Variants in SRGAP3 observed in about 807,000 individuals in gnomAD.
The protein encoded by SRGAP3 is SLIT-ROBO Rho GTPase-activating protein 3.
SRGAP3 carries 39 observed loss-of-function variants against 121.1 expected under a neutral mutation model. The ratio of observed to expected loss-of-function variants is 0.32; its 90% CI spans 0.25 to 0.42. The LOEUF (loss-of-function observed/expected upper bound fraction) is 0.42. SRGAP3 is among the 10% of genes least tolerant of loss of function. The probability of loss-of-function intolerance (pLI) is 1.00; values close to 1 mark genes in which losing one functional copy is unlikely to be tolerated. For synonymous variants in SRGAP3, 601 were observed against 570.0 expected (o/e 1.05, Z -0.77); for missense variants, 1,213 against 1,470.6 (o/e 0.82, Z 2.86).
chr3:9,250,668 T>TG (rs1953989620), upstream of SRGAP3, among the ~76,000 whole-genome samples: 1 of 152,130 alleles, frequency 6.6e-6, no homozygotes, highest in African/African-American at 2.4e-5. Context: ...TAGCAACTGT[T>TG]ATTACCCTTT....
intron 3 of SRGAP3, among the ~76,000 whole-genome samples, chr3:9,287,242 T>A (rs2125268498): frequency 6.6e-6 from 1 of 152,176 alleles, no homozygotes; most frequent in Non-Finnish European, 1.5e-5. Flanking sequence ...TCCTCCCACC[T>A]CACCCTCGTG....
At chr3:9,158,067 A>T (rs115245857) in intron 1 of SRGAP3, among the ~76,000 whole-genome samples, 1 of 152,206 alleles carries the variant, frequency 6.6e-6, no homozygotes, top group African/African-American at 2.4e-5. Flanking sequence ...GCCCACCAGG[A>T]CTGTCAGGAC....
At chr3:9,176,344 T>C (rs1951181325) in intron 1 of SRGAP3, among the ~76,000 whole-genome samples, 1 of 152,204 alleles carries the variant, frequency 6.6e-6, no homozygotes. Context: ...CCTCATAGGG[T>C]ACCTACCATG....
intron 1 of SRGAP3, among the ~76,000 whole-genome samples, chr3:9,161,040 T>A (rs1950583406): frequency 6.6e-6 from 1 of 152,198 alleles, no homozygotes; most frequent in South Asian, 2.1e-4. Flanking sequence ...GTAGAAGGAA[T>A]GATGGAATTA....
At chr3:9,165,943 T>C (rs1388551763) in intron 1 of SRGAP3, among the ~76,000 whole-genome samples, 1 of 152,216 alleles carries the variant, frequency 6.6e-6, no homozygotes, top group African/African-American at 2.4e-5. Flanking sequence ...GATTATCTGA[T>C]TAATGAGGAA....
At chr3:9,200,670 G>C (rs1952041609) in intron 1 of SRGAP3, among the ~76,000 whole-genome samples, 1 of 152,168 alleles carries the variant, frequency 6.6e-6, no homozygotes, top group Non-Finnish European at 1.5e-5. Flanking sequence ...GGGATAGAAA[G>C]CAGAAGAAAT....
At chr3:9,111,444 G>C (rs945256868) in intron 2 of SRGAP3, among the ~76,000 whole-genome samples, 1 of 152,230 alleles carries the variant, frequency 6.6e-6, no homozygotes, top group Middle Eastern at 3.2e-3. Flanking sequence ...AGGGCGGAGA[G>C]CCTGGTGCAT....
At chr3:9,189,088 C>G (rs1024915160) in intron 1 of SRGAP3, among the ~76,000 whole-genome samples, 1 of 152,136 alleles carries the variant, frequency 6.6e-6, no homozygotes, top group Non-Finnish European at 1.5e-5. Context: ...TTCTGCCATT[C>G]AGAGGAGGAC....
At chr3:9,097,599 C>A (rs1019313533) in intron 3 of SRGAP3, among the ~76,000 whole-genome samples, 1 of 152,220 alleles carries the variant, frequency 6.6e-6, no homozygotes, top group African/African-American at 2.4e-5. Context: ...CCCACCTTCC[C>A]CAAATCTCTG....
At position 9,146,900 on chromosome 3, in the gene SRGAP3, G is replaced by A. The variant is rs571086190; in HGVS notation, c.68-21983C>T. On this transcript the variant is annotated intron_variant, in intron 1 of 21. Coordinates refer to ENST00000383836, the MANE Select transcript of SRGAP3 (RefSeq NM_014850.4). ...CGTGAGATGCCTCTGGAGACCTGAC[G>A]CCCAGCGGTGGCAGCCTGCTGTGAT... Among the ~76,000 whole-genome samples the A allele has an allele frequency of 9.2e-5, 14 of 152,304 alleles. No homozygotes were observed. In the South Asian group the frequency reaches 1.9e-3, roughly 20 times the overall value.
At chr3:9,206,023 G>C (rs1005654969) in intron 1 of SRGAP3, among the ~76,000 whole-genome samples, 10 of 152,176 alleles carry the variant, frequency 6.6e-5, no homozygotes, top group Admixed American at 1.3e-4. Flanking sequence ...ATTTGGGGAA[G>C]ATGAAAAAGT....
At chr3:9,021,539 A>C (rs1189664662) in intron 14 of SRGAP3, among the ~76,000 whole-genome samples, 1 of 151,922 alleles carries the variant, frequency 6.6e-6, no homozygotes, top group East Asian at 1.9e-4. Flanking sequence ...ACTCTGGTTG[A>C]CTCATATGAG....
Position 9,255,212 on chromosome 3 carries a change from T to C in SRGAP3, n.442+70798A>G, listed in dbSNP as rs915068469. Among the ~76,000 whole-genome samples, 14 of 152,136 alleles carry C rather than the reference T, an allele frequency of 9.2e-5. 1 individual carries two copies. The highest frequency in any genetic ancestry group is 3.4e-4 in the African/African-American group (14 of 41,434). On this transcript the variant is annotated intron_variant and non_coding_transcript_variant, in intron 3 of 3. Transcript: ENST00000490889. ...AGTTTCCACAAATCTATGAGAATAA[T>C]GCCAACCACCCAGTAGAAAAGTCAA...
intron 1 of SRGAP3, among the ~76,000 whole-genome samples, chr3:9,156,498 G>A (rs1005258883): frequency 5.3e-5 from 8 of 152,290 alleles, no homozygotes; most frequent in South Asian, 2.1e-4. Flanking sequence ...CTGTCTACAA[G>A]GATGTGTTGG....
chr3:9,157,151 G>A (rs530578409), intron 1 of SRGAP3, among the ~76,000 whole-genome samples: 1 of 152,180 alleles, frequency 6.6e-6, no homozygotes, highest in African/African-American at 2.4e-5. Context: ...TTGACTCGCA[G>A]TTGCACAGGC....
In SRGAP3 at chr3:9,002,263, C is replaced by A. The variant is rs192470938; in HGVS notation, c.2228-7740G>T. ...TTGATTTCTTCTATAGAAGAAGTTT[C>A]TTCTAAAGTAGGAATCAATAGCAGG... On this transcript the variant is annotated intron_variant, in intron 18 of 21. Coordinates refer to ENST00000383836, the MANE Select transcript of SRGAP3 (RefSeq NM_014850.4). Among the ~76,000 whole-genome samples, 207 of 152,192 alleles carry A rather than the reference C, an allele frequency of 1.4e-3. 1 individual carries two copies. Among genetic ancestry groups the A allele is most frequent in the African/African-American group, 4.8e-3 (199 of 41,528 alleles).
chr3:9,056,272 C>T lies in SRGAP3; in HGVS notation c.1086G>A (p.Leu362=). The change falls in exon 8 of 22, where the codon CTG becomes CTA. Residue 362 remains leucine, a synonymous_variant. Transcript: ENST00000383836. ...QTELLMRYHQ[L]QSRLATLKIE... ...TCTTGAGGGTGGCCAGTCTGGACTG[C>T]AGCTGGTGATAACGCATGAGCAGTT... 1.2e-6 allele frequency: 2 copies of T among 1,614,038 alleles called. No individual in the cohort carries two copies. The highest frequency in any genetic ancestry group is 1.7e-6 in the Non-Finnish European group (2 of 1,180,010).
intron 1 of SRGAP3, among the ~76,000 whole-genome samples, chr3:9,142,374 A>G (rs772245239): frequency 5.3e-5 from 8 of 152,206 alleles, no homozygotes; most frequent in African/African-American, 9.7e-5. Flanking sequence ...GAAAAAGCTT[A>G]TATCTCCCTT....
intron 9 of SRGAP3, among the ~76,000 whole-genome samples, chr3:9,051,359 C>A (rs1393476833): frequency 6.6e-6 from 1 of 152,152 alleles, no homozygotes; most frequent in Non-Finnish European, 1.5e-5. Flanking sequence ...CCTTGGTATA[C>A]CCATTAGTCT....
Sources: allele counts gnomAD v4.1 joint callset (sites outside exome capture counted in the v4.1 genomes callset), GRCh38; gene constraint gnomAD v4.1.1; transcripts MANE v1.5; gene names NCBI Gene and HGNC (gene_info 2026-07-23, HGNC 2026-07-21).